SHOX2: variants seen among roughly 807,000 people sequenced by gnomAD.
SHOX2 encodes the protein short stature homeobox protein 2.
A neutral mutation model predicts 31.3 loss-of-function variants in SHOX2; 13 were observed. The observed-to-expected ratio is 0.42, with a 90% confidence interval of 0.27 to 0.66. The LOEUF (loss-of-function observed/expected upper bound fraction) is 0.66, where lower values mean the gene tolerates loss of function less well. Ranked by LOEUF, SHOX2 falls within the 30% of genes least tolerant of loss-of-function variation. The pLI is 0.27. For synonymous variants in SHOX2, 244 were observed against 196.2 expected (o/e 1.24, Z -2.04); for missense variants, 473 against 443.0 (o/e 1.07, Z -0.61).
At chr3:158,103,670 G>A (rs1418832996) in intron 1 of SHOX2, 2 of 152,326 alleles carry the variant, frequency 1.3e-5, no homozygotes, top group Non-Finnish European at 2.9e-5. Context: ...CAGAAGGCAG[G>A]AGGCGGAAAA....
chr3:158,105,246 C>T, intron 1 of SHOX2: 1 of 683,214 alleles, frequency 1.5e-6, no homozygotes, highest in Non-Finnish European at 2.6e-6. Flanking sequence ...AAGCTTTCCA[C>T]CTCTGCCCCT....
chr3:158,105,736 G>A lies in SHOX2; in HGVS notation c.289C>T (p.Leu97=). ...CTTCTCTCGGCGGCGCCCATGTCCA[G>A]CTCCCGGACGGGAGAGCGCCCTCCT... ...AGGGRSPVRE[L]DMGAAERSRE... The change falls in exon 1 of 5, where the codon CTG becomes TTG. Residue 97 remains leucine, a synonymous_variant. Transcript: ENST00000483851. 2 of 1,523,128 alleles carry A rather than the reference G, an allele frequency of 1.3e-6. No homozygotes were observed. Among genetic ancestry groups the A allele is most frequent in the Non-Finnish European group, 8.8e-7 (1 of 1,136,528 alleles). The allele number at this position is 1,523,128 out of a possible 1,614,324, so 94.4% of individuals were successfully genotyped here.
intron 1 of SHOX2, 86 bp from the exon 2 acceptor site, chr3:158,102,972 G>T: frequency 8.2e-7 from 1 of 1,212,432 alleles, no homozygotes; most frequent in Non-Finnish European, 1.2e-6. Context: ...AAACAGCACA[G>T]CAAATCCTGT....
At position 158,106,351 on chromosome 3, in the gene SHOX2, T is replaced by C; in HGVS notation, c.-327A>G. 1 of 382,230 alleles carries C rather than the reference T, an allele frequency of 2.6e-6. No homozygotes were observed. Among genetic ancestry groups the C allele is most frequent in the East Asian group, 7.1e-5 (1 of 14,062 alleles). The allele number at this position is 382,230 out of a possible 1,614,324, so 23.7% of individuals were successfully genotyped here. A position where few individuals can be genotyped will look rare whatever the true frequency, so the allele number is the denominator to read the frequency against. On this transcript the variant is annotated 5_prime_UTR_variant, in exon 1 of 5. Coordinates refer to ENST00000483851, the MANE Select transcript of SHOX2 (RefSeq NM_001163678.2). ...AGGGAAATGGGAACTGATGCTTCCC[T>C]GCCGGAGCGCGCTTGTTCAATGTTA...
chr3:158,101,248 G>A (rs921327854), intron 2 of SHOX2, among the ~76,000 whole-genome samples: 2 of 152,110 alleles, frequency 1.3e-5, no homozygotes, highest in Non-Finnish European at 2.9e-5. Context: ...AGCTTTCATT[G>A]GTATGTTTTT....
intron 2 of SHOX2, 152 bp downstream of exon 2, chr3:158,102,526 T>C (rs1251584469): frequency 3.1e-6 from 2 of 636,868 alleles, no homozygotes; most frequent in East Asian, 5.4e-5. Context: ...AGATCTACTT[T>C]GGAAAATAAG....
rs1412480393 is a variant in SHOX2, at chr3:158,104,939, G to T, written c.346+740C>A. ...AAAGACGTTTCCTAACACTGAGCTA[G>T]CACCAAAGGATTTTTGCTCTAAGAG... On this transcript the variant is annotated intron_variant, in intron 1 of 4. Coordinates refer to ENST00000483851, the MANE Select transcript of SHOX2 (RefSeq NM_001163678.2). 5 of 683,642 alleles carry T rather than the reference G, an allele frequency of 7.3e-6. No individual in the cohort carries two copies. In the East Asian group the frequency reaches 1.3e-4, roughly 18 times the overall value. The allele number at this position is 683,642 out of a possible 1,614,324, so 42.3% of individuals were successfully genotyped here.
intron 2 of SHOX2, among the ~76,000 whole-genome samples, chr3:158,100,610 A>C (rs1200159556): frequency 1.3e-5 from 2 of 152,244 alleles, no homozygotes; most frequent in African/African-American, 4.8e-5. Context: ...ACCTGATACC[A>C]ACATGATAAT....
rs1053371191 is a variant in SHOX2, at chr3:158,105,682, C to G, written c.343G>C (p.Glu115Gln). 1 of 1,523,758 alleles carries G rather than the reference C, an allele frequency of 6.6e-7. No homozygotes were observed. The highest frequency in any genetic ancestry group is 8.8e-7 in the Non-Finnish European group (1 of 1,137,572). 94.4% of individuals were successfully genotyped at this position (1,523,758 alleles called of 1,614,324 possible). A position where few individuals can be genotyped will look rare whatever the true frequency, so the allele number is the denominator to read the frequency against. The change falls in exon 1 of 5, where the codon GAG (glutamate) becomes CAG (glutamine). Residue 115 changes from glutamate to glutamine, a missense_variant. This residue lies in a region of SHOX2 where 276 missense variants were observed against 230.0 expected (regional missense o/e 1.20). Transcript: ENST00000483851. ...CGGGGGTCAGTCAGGTCGTTACCCT[C>G]CGTCAGTCGCGGGCTGCCCGGCTCC... ...SREPGSPRLTEVSPELKDRKE... is the reference protein window; with the variant it reads ...SREPGSPRLTQVSPELKDRKE...
chr3:158,106,238 G>A lies in SHOX2; in HGVS notation c.-214C>T, dbSNP rs940808827. 18 of 693,166 alleles carry A rather than the reference G, an allele frequency of 2.6e-5. No individual in the cohort carries two copies. Among genetic ancestry groups the A allele is most frequent in the African/African-American group, 5.7e-5 (3 of 52,318 alleles). The allele number at this position is 693,166 out of a possible 1,614,324, so 42.9% of individuals were successfully genotyped here. A position where few individuals can be genotyped will look rare whatever the true frequency, so the allele number is the denominator to read the frequency against. On this transcript the variant is annotated 5_prime_UTR_variant, in exon 1 of 5. Coordinates refer to ENST00000483851, the MANE Select transcript of SHOX2 (RefSeq NM_001163678.2). ...AGAAGGAGAAAAAGAAGTAAGAAGA[G>A]GAGGAGGAGGAAGAAGAGGAAGAGG...
intron 2 of SHOX2, among the ~76,000 whole-genome samples, chr3:158,101,938 G>A (rs565832786): frequency 6.6e-6 from 1 of 152,230 alleles, no homozygotes; most frequent in Non-Finnish European, 1.5e-5. Flanking sequence ...AACCAATAAA[G>A]AAAATCTGTT....
At position 158,103,021 on chromosome 3, in the gene SHOX2, C is replaced by G. The variant is rs1313930511; in HGVS notation, c.347-135G>C. 5.9e-6 allele frequency: 5 copies of G among 844,866 alleles called. No individual in the cohort carries two copies. The African/African-American group carries it at 6.6e-5, about 11-fold the overall frequency. 52.3% of individuals were successfully genotyped at this position (844,866 alleles called of 1,614,324 possible). On this transcript the variant is annotated intron_variant, in intron 1 of 4. Coordinates refer to ENST00000483851, the MANE Select transcript of SHOX2 (RefSeq NM_001163678.2). ...GCAAAAAAGAATAGAGAATCCTTCC[C>G]CCTCGTGGAATCCTGGTCCGGCTTC... is the stretch of plus-strand genomic sequence containing the variant.
Position 158,098,189 on chromosome 3 carries a change from T to A in SHOX2, c.798A>T (p.Pro266=). ...CGAGCGGCAGTCCGAAGGGCGGTGC[T>A]GGGAACATCATGTAGGGCGCGTGCG... is the stretch of plus-strand genomic sequence containing the variant. The part of the protein sequence containing the change: ...LAAHAPYMMF[P]APPFGLPLAT... Residue 266 remains proline (P), a synonymous_variant, in exon 5 of 5, where the codon CCA becomes CCT. Transcript: ENST00000483851. 1 of 1,613,836 alleles carries A rather than the reference T, an allele frequency of 6.2e-7. No homozygotes were observed. Among genetic ancestry groups the A allele is most frequent in the Non-Finnish European group, 8.5e-7 (1 of 1,179,876 alleles).
intron 1 of SHOX2, chr3:158,104,064 G>A (rs1474776454): frequency 6.6e-6 from 1 of 152,308 alleles, no homozygotes; most frequent in Non-Finnish European, 1.5e-5. Context: ...AGTTTAGATA[G>A]TCGAGGCTGT....
intron 2 of SHOX2, among the ~76,000 whole-genome samples, chr3:158,101,655 T>C (rs1298818750): frequency 6.6e-6 from 1 of 152,154 alleles, no homozygotes; most frequent in East Asian, 1.9e-4. Context: ...CATAGTTCGC[T>C]ACAGATGGTG....
Position 158,097,941 on chromosome 3 carries a change from A to G in SHOX2, c.*86T>C, listed in dbSNP as rs1713226204. 11 of 1,498,426 alleles carry G rather than the reference A, an allele frequency of 7.3e-6. No individual in the cohort carries two copies. Among genetic ancestry groups the G allele is most frequent in the Non-Finnish European group, 9.8e-6 (11 of 1,119,936 alleles). The allele number at this position is 1,498,426 out of a possible 1,614,324, so 92.8% of individuals were successfully genotyped here. On this transcript the variant is annotated 3_prime_UTR_variant, in exon 5 of 5. Coordinates refer to ENST00000483851, the MANE Select transcript of SHOX2 (RefSeq NM_001163678.2). ...AAGAGGGCCGGCTCCCGAGGTCTCA[A>G]AGGGGTAACGGAGAAGCAGCGGGGC...
intron 1 of SHOX2, 188 bp from the exon 2 acceptor site, chr3:158,103,074 G>A (rs1713618118): frequency 3.1e-6 from 2 of 654,694 alleles, no homozygotes; most frequent in African/African-American, 1.8e-5. Context: ...AGAATATCCC[G>A]GAGAAGCGCA....
Position 158,105,721 on chromosome 3 carries a change from C to T in SHOX2, c.304G>A (p.Ala102Thr), listed in dbSNP as rs557075208. 4.0e-5 allele frequency: 61 copies of T among 1,524,540 alleles called. No homozygotes were observed. The highest frequency in any genetic ancestry group is 3.9e-5 in the Non-Finnish European group (44 of 1,137,350). 94.4% of individuals were successfully genotyped at this position (1,524,540 alleles called of 1,614,324 possible). ...SPVRELDMGA[A>T]ERSREPGSPR... Reference sequence around the variant, plus strand: ...CTGCCCGGCTCCCTGCTTCTCTCGGCGGCGCCCATGTCCAGCTCCCGGACG... The same window carrying T: ...CTGCCCGGCTCCCTGCTTCTCTCGGTGGCGCCCATGTCCAGCTCCCGGACG... Residue 102 changes from alanine to threonine, a missense_variant, in exon 1 of 5, where the codon GCC becomes ACC. Physicochemically the swap from Ala to Thr is moderately conservative, Grantham distance 58. Transcript: ENST00000483851.
At position 158,106,099 on chromosome 3, in the gene SHOX2, C is replaced by T. The variant is rs1490567893; in HGVS notation, c.-75G>A. On this transcript the variant is annotated 5_prime_UTR_variant, in exon 1 of 5. Coordinates refer to ENST00000483851, the MANE Select transcript of SHOX2 (RefSeq NM_001163678.2). ...TCTTTTTTTCCTTCTTCTTTTTTTA[C>T]TGCTCCAGCCCCCCCAATAATAACA... The T allele has an allele frequency of 1.9e-6, 3 of 1,589,140 alleles. No individual in the cohort carries two copies. In the East Asian group the frequency reaches 7.2e-5, roughly 38 times the overall value.
Sources: allele counts gnomAD v4.1 joint callset (sites outside exome capture counted in the v4.1 genomes callset), GRCh38; gene constraint gnomAD v4.1.1; regional missense constraint gnomAD v4.1.1; transcripts MANE v1.5; gene names NCBI Gene and HGNC (gene_info 2026-07-23, HGNC 2026-07-21).